IMMP2L: variants seen among roughly 807,000 people sequenced by gnomAD.
IMMP2L encodes the protein inner mitochondrial membrane peptidase subunit 2, also known as mitochondrial inner membrane protease subunit 2.
A neutral mutation model predicts 19.3 loss-of-function variants in IMMP2L; 18 were observed. The observed-to-expected ratio is 0.93, with a 90% confidence interval of 0.64 to 1.38. The LOEUF (loss-of-function observed/expected upper bound fraction) is 1.38, where lower values mean the gene tolerates loss of function less well. Ranked by LOEUF, IMMP2L falls within the 40% of genes most tolerant of loss-of-function variation. The pLI is 0.00. For synonymous variants in IMMP2L, 76 were observed against 73.0 expected (o/e 1.04, Z -0.21); for missense variants, 233 against 218.2 (o/e 1.07, Z -0.43).
intron 5 of IMMP2L, among the ~76,000 whole-genome samples, chr7:110,766,684 C>G (rs1465345853): frequency 2.0e-5 from 3 of 151,284 alleles, no homozygotes. Flanking sequence ...CATTAATTTG[C>G]CATTTTTAAT....
intron 3 of IMMP2L, among the ~76,000 whole-genome samples, chr7:111,151,507 T>C (rs1313873538): frequency 6.6e-6 from 1 of 152,094 alleles, no homozygotes; most frequent in Non-Finnish European, 1.5e-5. Context: ...ACCTATGGAA[T>C]TGAAACTATA....
At chr7:111,442,385 G>C (rs1837834001) in intron 3 of IMMP2L, among the ~76,000 whole-genome samples, 1 of 151,730 alleles carries the variant, frequency 6.6e-6, no homozygotes, top group South Asian at 2.1e-4. Context: ...ATTGGAAGTA[G>C]CTATAGAGAC....
chr7:111,010,297 G>C (rs1396262917), intron 3 of IMMP2L, among the ~76,000 whole-genome samples: 2 of 152,078 alleles, frequency 1.3e-5, no homozygotes, highest in Non-Finnish European at 2.9e-5. Flanking sequence ...AGAGGTTTTA[G>C]AGAAGTCACA....
intron 5 of IMMP2L, among the ~76,000 whole-genome samples, chr7:110,746,583 T>C (rs1797361137): frequency 6.6e-6 from 1 of 152,128 alleles, no homozygotes; most frequent in Non-Finnish European, 1.5e-5. Flanking sequence ...AAATTAGAAC[T>C]CAGGATTAAG....
chr7:110,768,716 C>T (rs1202744352), intron 5 of IMMP2L, among the ~76,000 whole-genome samples: 2 of 152,168 alleles, frequency 1.3e-5, no homozygotes, highest in Non-Finnish European at 2.9e-5. Context: ...ATTCTCCAAG[C>T]TGAAATAGAC....
At chr7:111,272,728 A>G (rs751028321) in intron 3 of IMMP2L, among the ~76,000 whole-genome samples, 4 of 152,100 alleles carry the variant, frequency 2.6e-5, no homozygotes, top group Non-Finnish European at 4.4e-5. Context: ...GACATCCCCA[A>G]CCTTTTCAAT....
intron 3 of IMMP2L, among the ~76,000 whole-genome samples, chr7:111,465,365 A>C (rs1840537561): frequency 6.6e-6 from 1 of 151,982 alleles, no homozygotes. Context: ...CGGCTTTTAA[A>C]AGACAGTTTT....
intron 3 of IMMP2L, among the ~76,000 whole-genome samples, chr7:111,179,561 T>G (rs1191519247): frequency 6.6e-6 from 1 of 152,014 alleles, no homozygotes; most frequent in East Asian, 1.9e-4. Flanking sequence ...AGAACAGATT[T>G]AGCATCATTC....
intron 3 of IMMP2L, among the ~76,000 whole-genome samples, chr7:111,093,885 C>T (rs911520686): frequency 6.6e-6 from 1 of 151,970 alleles, no homozygotes; most frequent in African/African-American, 2.4e-5. Flanking sequence ...TTCAGGGTGT[C>T]GCTTGTCACA....
intron 5 of IMMP2L, among the ~76,000 whole-genome samples, chr7:110,666,264 CTTGT>C (rs144304704): frequency 7.9e-5 from 12 of 151,774 alleles, no homozygotes; most frequent in South Asian, 4.2e-4. Context: ...GCCTTGGTTT[CTTGT>C]TTGTTTGTTT....
intron 4 of IMMP2L, among the ~76,000 whole-genome samples, chr7:110,903,003 T>G (rs879586742): frequency 6.6e-6 from 1 of 151,498 alleles, no homozygotes; most frequent in African/African-American, 2.4e-5. Flanking sequence ...CTGAAGGGTG[T>G]TAATAAAAAA....
rs556560240 is a variant in IMMP2L, at chr7:110,757,735, C to T, written c.409-94014G>A. On this transcript the variant is annotated intron_variant, in intron 5 of 5. Coordinates refer to ENST00000405709, the MANE Select transcript of IMMP2L (RefSeq NM_032549.4). The surrounding 1 kb of genome is among the most constrained non-coding windows in gnomAD (Gnocchi z 4.2). The stretch of plus-strand genomic sequence containing the variant: ...AGACTCCCTCTGCTCCCTGCCCATA[C>T]CTTTGTTAAATCTTTCTTAAATTTT... 1.3e-5 allele frequency among the ~76,000 whole-genome samples: 2 copies of T among 152,208 alleles called. No homozygotes were observed. Among genetic ancestry groups the T allele is most frequent in the East Asian group, 1.9e-4 (1 of 5,170 alleles).
At chr7:111,304,643 A>C (rs1822638285) in intron 3 of IMMP2L, among the ~76,000 whole-genome samples, 2 of 144,326 alleles carry the variant, frequency 1.4e-5, no homozygotes, top group Non-Finnish European at 3.0e-5. Flanking sequence ...TACATAATGT[A>C]TGGGTGTTTA....
At chr7:111,346,656 G>A (rs955637818) in intron 3 of IMMP2L, among the ~76,000 whole-genome samples, 3 of 152,108 alleles carry the variant, frequency 2.0e-5, no homozygotes, top group African/African-American at 7.2e-5. Flanking sequence ...ACTAGAGACT[G>A]AGAGCTTATA....
At chr7:110,996,193 C>T (rs1012096909) in intron 3 of IMMP2L, among the ~76,000 whole-genome samples, 9 of 152,176 alleles carry the variant, frequency 5.9e-5, no homozygotes, top group African/African-American at 1.9e-4. Context: ...GGCATCTGAC[C>T]TAGTTCGGAA....
At chr7:111,196,369 A>T (rs1157441789) in intron 3 of IMMP2L, among the ~76,000 whole-genome samples, 1 of 152,194 alleles carries the variant, frequency 6.6e-6, no homozygotes, top group African/African-American at 2.4e-5. Context: ...GATAAAAATC[A>T]AACTAGAAAA....
At chr7:110,768,707 T>G (rs964896449) in intron 5 of IMMP2L, among the ~76,000 whole-genome samples, 1 of 152,184 alleles carries the variant, frequency 6.6e-6, no homozygotes, top group African/African-American at 2.4e-5. Context: ...AGGAAATCTA[T>G]TCTCCAAGCT....
chr7:111,084,300 TA>T (rs56331509), intron 3 of IMMP2L, among the ~76,000 whole-genome samples: 95,748 of 128,914 alleles, frequency 0.74, 35,960 homozygotes, highest in Non-Finnish European at 0.84. Flanking sequence ...GAAATAAAAT[TA>T]AAAAAAAAAA....
chr7:110,663,764 T>C, intron 5 of IMMP2L, 43 bp from the exon 6 acceptor site: 2 of 1,377,286 alleles, frequency 1.5e-6, no homozygotes. Flanking sequence ...AAGAGATCAT[T>C]TTATAAGAAT....
Sources: gnomAD v4.1 joint callset for allele counts (sites outside exome capture counted in the v4.1 genomes callset) on GRCh38, gnomAD v4.1.1 for gene constraint, Gnocchi (gnomAD v3.1) non-coding constraint, MANE v1.5 for transcripts, NCBI Gene and HGNC (gene_info 2026-07-23, HGNC 2026-07-21) for gene names.